SPAG9: variants seen among roughly 807,000 people sequenced by gnomAD.
SPAG9 encodes sperm associated antigen 9.
SPAG9 carries 35 observed loss-of-function variants against 166.5 expected under a neutral mutation model. The observed-to-expected ratio is 0.21, with a 90% CI of 0.16 to 0.28. The LOEUF is 0.28. Among genes scored for constraint, SPAG9 ranks in the 10% least tolerant of loss-of-function variants. The pLI, the probability that SPAG9 is intolerant of heterozygous loss-of-function variation, is 1.00. For missense variants in SPAG9, 1,235 were observed against 1,603.3 expected (o/e 0.77, Z 3.92); for synonymous variants, 534 against 565.5 (o/e 0.94, Z 0.79).
chr17:51,098,872 C>T (rs1333270645), intron 1 of SPAG9, among the ~76,000 whole-genome samples: 5 of 151,068 alleles, frequency 3.3e-5, no homozygotes, highest in South Asian at 2.1e-4. Flanking sequence ...GAGGCCAAGG[C>T]GGGCGGATCA....
At chr17:51,029,830 G>T (rs1019158068) in intron 6 of SPAG9, among the ~76,000 whole-genome samples, 1 of 152,116 alleles carries the variant, frequency 6.6e-6, no homozygotes, top group Non-Finnish European at 1.5e-5. Flanking sequence ...AAAAGCTCTG[G>T]TGCTGTTTTA....
At chr17:51,053,885 A>ATC (rs2047275357) in intron 3 of SPAG9, among the ~76,000 whole-genome samples, 4 of 116,366 alleles carry the variant, frequency 3.4e-5, no homozygotes, top group Non-Finnish European at 6.9e-5. Context: ...ATATATATAT[A>ATC]TATATATATA....
chr17:50,994,081 T>C, intron 18 of SPAG9, 146 bp from the exon 19 acceptor site: 1 of 791,158 alleles, frequency 1.3e-6, no homozygotes, highest in Non-Finnish European at 2.0e-6. Flanking sequence ...CTGATGTGGT[T>C]TGGCTGCGTC....
At position 51,061,612 on chromosome 17, in the gene SPAG9, C is replaced by CAAAAAA. The variant is rs34010166; in HGVS notation, c.425-5136_425-5131dup. 5.3e-3 allele frequency among the ~76,000 whole-genome samples: 168 copies of CAAAAAA among 31,728 alleles called. 7 individuals carry two copies. Among genetic ancestry groups the CAAAAAA allele is most frequent in the African/African-American group, 0.012 (116 of 9,618 alleles). 20.8% of individuals were successfully genotyped at this position (31,728 alleles called of 152,430 possible). On this transcript the variant is annotated intron_variant, in intron 2 of 29. Transcript: ENST00000262013. ...GCAACAAGAGCGAAAGCTCTGTCTC[C>CAAAAAA]AAAAAAAAAAAAAAAAAAAAAAAAA...
chr17:51,079,640 G>C lies in SPAG9; in HGVS notation c.368C>G (p.Ser123Cys). Residue 123 changes from serine (S) to cysteine (C), a missense_variant, in exon 2 of 30, where the codon TCT (serine) becomes TGT (cysteine). Physicochemically the swap from Ser to Cys is moderately radical, Grantham distance 112. Around this residue, in one of 6 missense-constraint regions of SPAG9, gnomAD observed 288 missense variants for 323.7 expected, o/e 0.89. Coordinates refer to ENST00000262013, the MANE Select transcript of SPAG9 (RefSeq NM_001130528.3). Reference sequence around the variant, plus strand: ...AAGTTGTCTTGTTTGAGATTCTAAAGATTCCACTCGGGTCTGTAAGTCCTT... The same window carrying C: ...AAGTTGTCTTGTTTGAGATTCTAAACATTCCACTCGGGTCTGTAAGTCCTT... ...EKKDLQTRVESLESQTRQLEL... is the reference protein window; with the variant it reads ...EKKDLQTRVECLESQTRQLEL... The C allele has an allele frequency of 6.2e-7, 1 of 1,612,756 alleles. No homozygotes were observed. Among genetic ancestry groups the C allele is most frequent in the Non-Finnish European group, 8.5e-7 (1 of 1,178,778 alleles).
intron 1 of SPAG9, among the ~76,000 whole-genome samples, chr17:51,092,197 C>A (rs1050012932): frequency 1.3e-5 from 2 of 151,940 alleles, no homozygotes; most frequent in African/African-American, 2.4e-5. Flanking sequence ...AATGTAATTT[C>A]TTTTAAGAAA....
At chr17:51,117,708 C>CAAAAAAAAAAAAAAAAAAAAAA (rs397856959) in intron 1 of SPAG9, among the ~76,000 whole-genome samples, 1 of 41,726 alleles carries the variant, frequency 2.4e-5, no homozygotes, top group Non-Finnish European at 3.9e-5. Context: ...GACTCCGTCT[C>CAAAAAAAAAAAAAAAAAAAAAA]AAAAAAAAAA....
intron 24 of SPAG9, among the ~76,000 whole-genome samples, chr17:50,983,874 T>C (rs1597908156): frequency 1.3e-5 from 2 of 152,294 alleles, no homozygotes; most frequent in South Asian, 4.1e-4. Context: ...TGGAGCCCTC[T>C]CACTCTTTGA....
chr17:50,987,003 T>C, intron 22 of SPAG9, 109 bp downstream of exon 22: 1 of 1,084,912 alleles, frequency 9.2e-7, no homozygotes, highest in Non-Finnish European at 1.3e-6. Context: ...ATAAAATTCT[T>C]TGCATTAATC....
chr17:51,059,666 C>T (rs918701195), intron 2 of SPAG9, among the ~76,000 whole-genome samples: 1 of 151,810 alleles, frequency 6.6e-6, no homozygotes, highest in Non-Finnish European at 1.5e-5. Context: ...GCAGGAGAAT[C>T]GCTTGAACCC....
In SPAG9 at chr17:51,082,400, A is replaced by C. The variant is rs375973105; in HGVS notation, c.304-2696T>G. Among the ~76,000 whole-genome samples the C allele has an allele frequency of 5.8e-3, 878 of 151,060 alleles. 12 individuals carry two copies. The highest frequency in any genetic ancestry group is 0.02 in the African/African-American group (801 of 41,064). Reference sequence around the variant, plus strand: ...CTCAAAAAAAAAAAAAAAAAAAAAAAAAAACCTGTGATACCTACTCCCTAT... The same window carrying C: ...CTCAAAAAAAAAAAAAAAAAAAAAACAAAACCTGTGATACCTACTCCCTAT... On this transcript the variant is annotated intron_variant, in intron 1 of 29. Transcript: ENST00000262013.
At chr17:51,025,147 C>T (rs767897600) in intron 6 of SPAG9, among the ~76,000 whole-genome samples, 1 of 151,204 alleles carries the variant, frequency 6.6e-6, no homozygotes, top group Non-Finnish European at 1.5e-5. Flanking sequence ...GGGGAAACCC[C>T]GTCTCTACTA....
At chr17:51,114,865 T>C (rs1211436102) in intron 1 of SPAG9, among the ~76,000 whole-genome samples, 1 of 151,088 alleles carries the variant, frequency 6.6e-6, no homozygotes, top group Non-Finnish European at 1.5e-5. Flanking sequence ...GGCAGGAGAA[T>C]TGCTTGAACC....
intron 25 of SPAG9, among the ~76,000 whole-genome samples, chr17:50,980,299 G>T (rs1049542008): frequency 1.3e-5 from 2 of 151,946 alleles, no homozygotes; most frequent in African/African-American, 4.8e-5. Context: ...TCCCCTTCCT[G>T]GGTTCAGGCG....
intron 12 of SPAG9, among the ~76,000 whole-genome samples, chr17:51,004,486 C>T (rs974004450): frequency 8.5e-5 from 13 of 152,084 alleles, no homozygotes. Flanking sequence ...ATCTGTAATC[C>T]CAGCACTTTG....
At chr17:51,034,332 G>T (rs1178192993) in intron 5 of SPAG9, among the ~76,000 whole-genome samples, 1 of 152,164 alleles carries the variant, frequency 6.6e-6, no homozygotes, top group African/African-American at 2.4e-5. Flanking sequence ...CCTAGATCTT[G>T]GTTCCTAAAT....
chr17:51,026,320 G>GAAAAAAAA (rs55851511), intron 6 of SPAG9, among the ~76,000 whole-genome samples: 137 of 88,722 alleles, frequency 1.5e-3, no homozygotes, highest in East Asian at 3.1e-3. Flanking sequence ...GGTGAAAAGA[G>GAAAAAAAA]AAAAAAAAAA....
chr17:51,050,593 C>A (rs1321015106), intron 3 of SPAG9, among the ~76,000 whole-genome samples: 5 of 152,110 alleles, frequency 3.3e-5, no homozygotes, highest in African/African-American at 1.2e-4. Context: ...AAGAAAATCC[C>A]ATACCCTAAA....
intron 5 of SPAG9, among the ~76,000 whole-genome samples, chr17:51,039,854 AG>A (rs1251561727): frequency 6.6e-6 from 1 of 152,172 alleles, no homozygotes; most frequent in Non-Finnish European, 1.5e-5. Context: ...ACACACAGCA[AG>A]TAGGCAATTG....
Sources: allele counts gnomAD v4.1 joint callset (sites outside exome capture counted in the v4.1 genomes callset), GRCh38; gene constraint gnomAD v4.1.1; regional missense constraint gnomAD v4.1.1; transcripts MANE v1.5; gene names NCBI Gene and HGNC (gene_info 2026-07-23, HGNC 2026-07-21).